CLSTN2: variants seen among roughly 807,000 people sequenced by gnomAD.
The protein encoded by CLSTN2 is calsyntenin-2.
A neutral mutation model predicts 101.2 loss-of-function variants in CLSTN2; 48 were observed. The ratio of observed to expected loss-of-function variants is 0.47; its 90% CI spans 0.38 to 0.60. The LOEUF (loss-of-function observed/expected upper bound fraction) is 0.60, where lower values mean the gene tolerates loss of function less well. Among genes scored for constraint, CLSTN2 ranks in the 20% least tolerant of loss-of-function variants. CLSTN2 has a pLI of 0.00. For missense variants in CLSTN2, 1,160 were observed against 1,238.2 expected (o/e 0.94, Z 0.95); for synonymous variants, 481 against 463.6 (o/e 1.04, Z -0.48).
At chr3:140,014,964 C>A (rs1264158039) in intron 1 of CLSTN2, among the ~76,000 whole-genome samples, 1 of 152,224 alleles carries the variant, frequency 6.6e-6, no homozygotes, top group Non-Finnish European at 1.5e-5. Flanking sequence ...TAACAGCCTG[C>A]TGCAGTTTCA....
chr3:140,418,311 A>C (rs919344488), intron 4 of CLSTN2, among the ~76,000 whole-genome samples: 1 of 152,114 alleles, frequency 6.6e-6, no homozygotes, highest in Non-Finnish European at 1.5e-5. Context: ...AGAGGGAAAC[A>C]ATAATTGAGG....
chr3:139,960,806 C>A (rs1935495350), intron 1 of CLSTN2, among the ~76,000 whole-genome samples: 1 of 152,118 alleles, frequency 6.6e-6, no homozygotes, highest in African/African-American at 2.4e-5. Flanking sequence ...GATAAGGGGG[C>A]AGGATCTCCT....
At chr3:140,200,794 C>A (rs566989423) in intron 2 of CLSTN2, among the ~76,000 whole-genome samples, 27 of 152,264 alleles carry the variant, frequency 1.8e-4, no homozygotes, top group Middle Eastern at 6.8e-3. Flanking sequence ...TACTCTTGGA[C>A]ACCTCCCCTC....
intron 2 of CLSTN2, among the ~76,000 whole-genome samples, chr3:140,267,814 C>T (rs2086708674): frequency 6.6e-6 from 1 of 152,130 alleles, no homozygotes; most frequent in Admixed American, 6.6e-5. Flanking sequence ...AAGGTGGGAA[C>T]TGTGGTATGG....
chr3:140,312,292 T>G (rs1417891111), intron 2 of CLSTN2, among the ~76,000 whole-genome samples: 3 of 152,252 alleles, frequency 2.0e-5, no homozygotes, highest in Admixed American at 6.5e-5. Context: ...CATGTATGGA[T>G]TCTGCACAGT....
intron 1 of CLSTN2, among the ~76,000 whole-genome samples, chr3:140,147,497 A>C (rs2009797709): frequency 6.6e-6 from 1 of 152,212 alleles, no homozygotes; most frequent in South Asian, 2.1e-4. Flanking sequence ...CATGGCAAGT[A>C]GGTGTCTTGA....
chr3:140,436,340 T>A (rs949197275), intron 5 of CLSTN2, among the ~76,000 whole-genome samples: 5 of 152,228 alleles, frequency 3.3e-5, no homozygotes, highest in African/African-American at 1.2e-4. Context: ...ATGAAGAGAC[T>A]GTCTTTTCCG....
intron 2 of CLSTN2, among the ~76,000 whole-genome samples, chr3:140,324,882 T>G (rs1212065919): frequency 6.6e-6 from 1 of 152,244 alleles, no homozygotes; most frequent in East Asian, 1.9e-4. Flanking sequence ...GATATTGCCA[T>G]GATGGTGACC....
intron 1 of CLSTN2, among the ~76,000 whole-genome samples, chr3:140,147,547 G>A (rs561668395): frequency 2.9e-4 from 44 of 152,236 alleles, no homozygotes; most frequent in African/African-American, 1.0e-3. Context: ...AGAGGAGAGT[G>A]AGGATTGCTC....
chr3:140,441,882 A>T (rs1227327655), intron 5 of CLSTN2, among the ~76,000 whole-genome samples: 1 of 152,092 alleles, frequency 6.6e-6, no homozygotes, highest in African/African-American at 2.4e-5. Flanking sequence ...AGCCCTCCCG[A>T]GCCTCACATA....
intron 1 of CLSTN2, among the ~76,000 whole-genome samples, chr3:140,066,227 CTG>C (rs142237738): frequency 0.012 from 1,901 of 152,340 alleles, 37 homozygotes; most frequent in African/African-American, 0.042. Context: ...TTCTCAGTGT[CTG>C]TGGAGCCCCC....
chr3:140,559,096 T>C (rs535666107), intron 12 of CLSTN2, among the ~76,000 whole-genome samples: 4 of 150,796 alleles, frequency 2.7e-5, no homozygotes, highest in African/African-American at 7.3e-5. Context: ...TTGTGCTAAA[T>C]GGTAAGTGAA....
chr3:140,506,721 A>G (rs1180091563), intron 8 of CLSTN2: 1 of 152,264 alleles, frequency 6.6e-6, no homozygotes, highest in Non-Finnish European at 1.5e-5. Flanking sequence ...GAGCTGGGCT[A>G]TAACCCATAG....
At chr3:140,211,584 ATT>A (rs538923207) in intron 2 of CLSTN2, among the ~76,000 whole-genome samples, 265 of 150,734 alleles carry the variant, frequency 1.8e-3, no homozygotes, top group African/African-American at 5.7e-3. Context: ...ATATGAATAT[ATT>A]TGTGTGTACA....
chr3:140,410,613 A>G (rs1463409129), intron 4 of CLSTN2, among the ~76,000 whole-genome samples: 1 of 152,154 alleles, frequency 6.6e-6, no homozygotes, highest in Non-Finnish European at 1.5e-5. Flanking sequence ...AAATCATATG[A>G]AGGTATGAAA....
intron 1 of CLSTN2, among the ~76,000 whole-genome samples, chr3:140,053,533 A>G (rs906463865): frequency 9.2e-5 from 14 of 152,126 alleles, no homozygotes; most frequent in African/African-American, 3.1e-4. Flanking sequence ...GAGTGTTAAG[A>G]GAAGGGATGT....
intron 5 of CLSTN2, among the ~76,000 whole-genome samples, chr3:140,422,331 G>A (rs1400151630): frequency 6.6e-6 from 1 of 152,082 alleles, no homozygotes; most frequent in Non-Finnish European, 1.5e-5. Flanking sequence ...GTCTTTGAAT[G>A]ACTGTCTTTT....
intron 1 of CLSTN2, among the ~76,000 whole-genome samples, chr3:140,089,090 T>C (rs1430952162): frequency 6.6e-6 from 1 of 152,200 alleles, no homozygotes; most frequent in African/African-American, 2.4e-5. Context: ...CTGTCCCTCT[T>C]TCCTGAAGAC....
At chr3:140,121,478 A>G (rs769247430) in intron 1 of CLSTN2, among the ~76,000 whole-genome samples, 2 of 152,170 alleles carry the variant, frequency 1.3e-5, no homozygotes, top group African/African-American at 2.4e-5. Flanking sequence ...TGAAAGTTCC[A>G]ACACATAGTA....
Sources: allele counts gnomAD v4.1 joint callset (sites outside exome capture counted in the v4.1 genomes callset), GRCh38; gene constraint gnomAD v4.1.1; transcripts MANE v1.5; gene names NCBI Gene and HGNC (gene_info 2026-07-23, HGNC 2026-07-21).